Variants in RALGAPA2 observed in about 807,000 individuals in gnomAD.
RALGAPA2 encodes ral GTPase-activating protein subunit alpha-2.
A neutral mutation model predicts 230.4 loss-of-function variants in RALGAPA2; 139 were observed. The ratio of observed to expected loss-of-function variants is 0.60; its 90% CI spans 0.53 to 0.69. RALGAPA2 has a LOEUF of 0.69. Among genes scored for constraint, RALGAPA2 ranks in the 30% least tolerant of loss-of-function variants. The pLI is 0.00. For missense variants in RALGAPA2, 2,163 were observed against 2,276.0 expected, an observed-to-expected ratio of 0.95 and a Z score of 1.01; for synonymous variants, 847 against 837.8, an observed-to-expected ratio of 1.01 and a Z score of -0.19.
chr20:20,505,676 G>T, intron 33 of RALGAPA2, 142 bp from the exon 34 acceptor site: 1 of 661,022 alleles, frequency 1.5e-6, no homozygotes. Flanking sequence ...GTTCTGAGAT[G>T]GTCTGACACA....
At chr20:20,422,891 T>C (rs927718098) in intron 37 of RALGAPA2, among the ~76,000 whole-genome samples, 2 of 152,212 alleles carry the variant, frequency 1.3e-5, no homozygotes, top group African/African-American at 4.8e-5. Context: ...GGTGGAGCGA[T>C]TCATGGGAAT....
chr20:20,601,496 A>C (rs184038080), intron 16 of RALGAPA2, among the ~76,000 whole-genome samples, 186 bp downstream of exon 16: 6 of 152,362 alleles, frequency 3.9e-5, no homozygotes, highest in Admixed American at 3.9e-4. Context: ...AGGATTTAGA[A>C]ATAAGTAACT....
In RALGAPA2 at chr20:20,637,432, G is replaced by C; in HGVS notation, c.736C>G (p.Arg246Gly). 1 of 1,578,250 alleles carries C rather than the reference G, an allele frequency of 6.3e-7. No homozygotes were observed. Among genetic ancestry groups the C allele is most frequent in the Non-Finnish European group, 8.6e-7 (1 of 1,158,920 alleles). ...AATAAATGAGGAAGATAATACTTTC[G>C]AAACAATGTAAAAAGAAATTTAAAA... ...TGFKFLFTLFRKYYLPHLFPS... is the reference protein window; with the variant it reads ...TGFKFLFTLFGKYYLPHLFPS... The change falls in exon 8 of 40, where the codon CGA becomes GGA. Residue 246 changes from arginine (R) to glycine (G), a missense_variant. Arg to Gly is a moderately radical substitution (Grantham distance 125). Coordinates refer to ENST00000202677, the MANE Select transcript of RALGAPA2 (RefSeq NM_020343.4).
intron 13 of RALGAPA2, 51 bp from the exon 14 acceptor site, chr20:20,611,477 C>A: frequency 6.4e-7 from 1 of 1,565,012 alleles, no homozygotes; most frequent in Non-Finnish European, 8.7e-7. Context: ...CTCCAAAGCA[C>A]TTTAATTTAT....
At chr20:20,631,965 T>C (rs1217785812) in intron 9 of RALGAPA2, among the ~76,000 whole-genome samples, 1 of 151,586 alleles carries the variant, frequency 6.6e-6, no homozygotes, top group Non-Finnish European at 1.5e-5. Context: ...TCCACAGTAC[T>C]AGGGACCAAT....
Position 20,605,348 on chromosome 20 carries a change from T to A in RALGAPA2, c.1865A>T (p.Asp622Val). The change falls in exon 15 of 40, where the codon GAC becomes GTC. Residue 622 changes from aspartate (D) to valine (V), a missense_variant. Transcript: ENST00000202677. ...CVYISRELWD[D>V]FLGVLSSLTE... Reference sequence around the variant, plus strand: ...GAGGGAGGACAGCACACCAAGAAAGTCATCCCAGAGCTCTCGAGAAATGTA... The same window carrying A: ...GAGGGAGGACAGCACACCAAGAAAGACATCCCAGAGCTCTCGAGAAATGTA... The A allele has an allele frequency of 5.0e-6, 8 of 1,613,796 alleles. No homozygotes were observed. The highest frequency in any genetic ancestry group is 6.8e-6 in the Non-Finnish European group (8 of 1,179,816).
At chr20:20,524,233 G>C (rs1470422892) in intron 30 of RALGAPA2, among the ~76,000 whole-genome samples, 173 bp downstream of exon 30, 10 of 152,188 alleles carry the variant, frequency 6.6e-5, no homozygotes, top group Non-Finnish European at 1.5e-4. Flanking sequence ...TGGGATTACA[G>C]GAGTGAGCTA....
chr20:20,612,184 T>G (rs1265928641), intron 13 of RALGAPA2, among the ~76,000 whole-genome samples: 2 of 152,254 alleles, frequency 1.3e-5, no homozygotes, highest in Non-Finnish European at 2.9e-5. Context: ...TTTTCTTTCT[T>G]ACACCTAAGT....
chr20:20,512,477 T>C, intron 32 of RALGAPA2, 36 bp downstream of exon 32: 1 of 1,489,096 alleles, frequency 6.7e-7, no homozygotes, highest in Non-Finnish European at 9.0e-7. Flanking sequence ...ATGAAAATAA[T>C]GATAAAATAA....
chr20:20,682,732 C>CATGGG, intron 1 of RALGAPA2, among the ~76,000 whole-genome samples: 1 of 152,188 alleles, frequency 6.6e-6, no homozygotes. Context: ...ATGCATCTAG[C>CATGGG]ACAATATTTA....
intron 1 of RALGAPA2, among the ~76,000 whole-genome samples, chr20:20,691,972 G>C (rs1011668789): frequency 1.3e-5 from 2 of 152,060 alleles, no homozygotes; most frequent in African/African-American, 4.8e-5. Flanking sequence ...CATGAAAACT[G>C]ATTGTTACAA....
rs1485633961 is a variant in RALGAPA2, at chr20:20,546,831, T to C, written c.3158A>G (p.Asp1053Gly). 2 of 1,575,244 alleles carry C rather than the reference T, an allele frequency of 1.3e-6. No homozygotes were observed. Among genetic ancestry groups the C allele is most frequent in the Admixed American group, 2.1e-5 (1 of 48,540 alleles). The change falls in exon 24 of 40, where the codon GAT becomes GGT. Residue 1053 changes from aspartate to glycine, a missense_variant and splice_region_variant. Coordinates refer to ENST00000202677, the MANE Select transcript of RALGAPA2 (RefSeq NM_020343.4). ...GTGCCTTATGATCGTATTTAAGATA[T>C]CCTAAAAGGGAAGATAAGAAAAAAC... ...MHLGLTSEDQDILNTIIRHCP... is the reference protein window; with the variant it reads ...MHLGLTSEDQGILNTIIRHCP...
chr20:20,481,188 T>G (rs183873600), intron 36 of RALGAPA2, among the ~76,000 whole-genome samples: 16 of 152,358 alleles, frequency 1.1e-4, no homozygotes, highest in Admixed American at 9.8e-4. Flanking sequence ...CTAGCCAGCA[T>G]GCCAGCACAA....
chr20:20,416,047 G>A (rs767757994), intron 37 of RALGAPA2, among the ~76,000 whole-genome samples: 1 of 152,174 alleles, frequency 6.6e-6, no homozygotes, highest in Non-Finnish European at 1.5e-5. Context: ...TTTTACATGT[G>A]AGACAGCTGA....
At chr20:20,467,387 A>G (rs893215986) in intron 37 of RALGAPA2, among the ~76,000 whole-genome samples, 2 of 152,220 alleles carry the variant, frequency 1.3e-5, no homozygotes, top group South Asian at 4.1e-4. Flanking sequence ...TCCATGCAAC[A>G]TTCCAAAATT....
chr20:20,668,110 C>G (rs190412167), intron 3 of RALGAPA2, among the ~76,000 whole-genome samples: 1 of 152,168 alleles, frequency 6.6e-6, no homozygotes, highest in Admixed American at 6.5e-5. Context: ...GTCTTTCAAA[C>G]GATGAGATAC....
At chr20:20,502,141 T>C (rs1184604193) in intron 35 of RALGAPA2, among the ~76,000 whole-genome samples, 1 of 152,132 alleles carries the variant, frequency 6.6e-6, no homozygotes, top group African/African-American at 2.4e-5. Flanking sequence ...AATAGACTTG[T>C]TTGATTAAGG....
In RALGAPA2 at chr20:20,393,216, C is replaced by A; in HGVS notation, c.*73G>T. On this transcript the variant is annotated 3_prime_UTR_variant, in exon 40 of 40. Transcript: ENST00000202677. ...GTTCTGTCTCCTCCTCACTCAGGGG[C>A]TCTTCGAGGTCAGCACTCAGACTGG... 7.4e-7 allele frequency: 1 copy of A among 1,353,000 alleles called. No individual in the cohort carries two copies. The highest frequency in any genetic ancestry group is 9.8e-7 in the Non-Finnish European group (1 of 1,015,502). The allele number at this position is 1,353,000 out of a possible 1,614,324, so 83.8% of individuals were successfully genotyped here.
chr20:20,585,313 A>C (rs915429070), intron 18 of RALGAPA2, among the ~76,000 whole-genome samples: 2 of 152,216 alleles, frequency 1.3e-5, no homozygotes, highest in South Asian at 4.1e-4. Flanking sequence ...TAAGTTATGC[A>C]CACAAATGAT....
Sources: gnomAD v4.1 joint callset for allele counts (sites outside exome capture counted in the v4.1 genomes callset) on GRCh38, gnomAD v4.1.1 for gene constraint, MANE v1.5 for transcripts, NCBI Gene and HGNC (gene_info 2026-07-23, HGNC 2026-07-21) for gene names.